SORBS2: variants seen among roughly 807,000 people sequenced by gnomAD.
The protein encoded by SORBS2 is sorbin and SH3 domain-containing protein 2.
In SORBS2, 46 loss-of-function variants were observed where a neutral mutation model predicts 97.7. The ratio of observed to expected loss-of-function variants is 0.47; its 90% CI spans 0.37 to 0.60. The LOEUF is 0.60. SORBS2 is among the 20% of genes least tolerant of loss of function. The pLI is 0.00. For missense variants in SORBS2, 1,316 were observed against 1,282.3 expected (o/e 1.03, Z -0.40); for synonymous variants, 476 against 473.4 (o/e 1.01, Z -0.07).
intron 3 of SORBS2, among the ~76,000 whole-genome samples, chr4:185,648,228 CTGGG>C (rs1311108265): frequency 6.6e-6 from 1 of 152,090 alleles, no homozygotes; most frequent in Non-Finnish European, 1.5e-5. Flanking sequence ...TCCCAAAATG[CTGGG>C]ACTGGCTGGG....
At chr4:185,728,826 T>A (rs1048643816) in intron 2 of SORBS2, among the ~76,000 whole-genome samples, 1 of 152,244 alleles carries the variant, frequency 6.6e-6, no homozygotes, top group East Asian at 1.9e-4. Flanking sequence ...CCCAGCTGCA[T>A]GTGCCATTTG....
chr4:185,641,130 T>C (rs2097118874), intron 4 of SORBS2, among the ~76,000 whole-genome samples: 1 of 133,842 alleles, frequency 7.5e-6, no homozygotes, highest in Non-Finnish European at 1.7e-5. Flanking sequence ...GTAATGCATC[T>C]CTATGATAGA....
chr4:185,726,601 C>T (rs2098555872), intron 2 of SORBS2, among the ~76,000 whole-genome samples: 1 of 151,140 alleles, frequency 6.6e-6, no homozygotes, highest in African/African-American at 2.4e-5. Flanking sequence ...TATACAGAAA[C>T]ATAAGGATAT....
At chr4:185,651,720 G>T (rs867514095) in intron 2 of SORBS2, 64 bp downstream of exon 11, 3 of 884,264 alleles carry the variant, frequency 3.4e-6, no homozygotes, top group Non-Finnish European at 1.9e-6. Context: ...AAAGGTGACC[G>T]TGTCGTTCTT....
chr4:185,939,882 C>T (rs902401886), intron 1 of SORBS2, among the ~76,000 whole-genome samples: 1 of 152,188 alleles, frequency 6.6e-6, no homozygotes, highest in African/African-American at 2.4e-5. Flanking sequence ...CCCATGCCCC[C>T]AGTGAAACCA....
Position 185,770,975 on chromosome 4 carries a change from C to CTTTTTTTTTTTTT in SORBS2, c.-198+4239_-198+4251dup, listed in dbSNP as rs747070975. 8.2e-5 allele frequency: 6 copies of CTTTTTTTTTTTTT among 72,750 alleles called. 1 individual carries two copies. The highest frequency in any genetic ancestry group is 4.1e-4 in the East Asian group (1 of 2,464). The allele number at this position is 72,750 out of a possible 1,614,324, so 4.5% of individuals were successfully genotyped here. A position where few individuals can be genotyped will look rare whatever the true frequency, so the allele number is the denominator to read the frequency against. ...CTTTCCCTGGCATTTTCATCGTTTC[C>CTTTTTTTTTTTTT]TTTTTTTTTTTTTTTTTTTTTTGAG... On this transcript the variant is annotated intron_variant, in intron 2 of 20. Coordinates refer to the SORBS2 transcript ENST00000284776.
intron 2 of SORBS2, among the ~76,000 whole-genome samples, chr4:185,756,705 G>A (rs2098832805): frequency 7.0e-6 from 1 of 143,662 alleles, no homozygotes; most frequent in Non-Finnish European, 1.5e-5. Flanking sequence ...CCAAATTACA[G>A]CCAACTGTTA....
At chr4:185,811,353 A>AG (rs1160233068) in intron 1 of SORBS2, among the ~76,000 whole-genome samples, 3 of 152,210 alleles carry the variant, frequency 2.0e-5, no homozygotes, top group African/African-American at 7.2e-5. Flanking sequence ...TTCACAAGCG[A>AG]GAAATGTTGT....
At chr4:185,615,990 C>G (rs1420099720) in intron 9 of SORBS2, among the ~76,000 whole-genome samples, 1 of 152,008 alleles carries the variant, frequency 6.6e-6, no homozygotes, top group African/African-American at 2.4e-5. Context: ...TCAATTTTTC[C>G]TGGCTTAATC....
At position 185,684,500 on chromosome 4, in the gene SORBS2, A is replaced by C. The variant is rs1421626682; in HGVS notation, c.-197-5678T>G. 6.6e-6 allele frequency among the ~76,000 whole-genome samples: 1 copy of C among 152,066 alleles called. No homozygotes were observed. ...CAAAAGTTTTTAGGTTAAAAAAAAA[A>C]ACCCCAAAACCTCTGAGTTATCTTA... On this transcript the variant is annotated intron_variant, in intron 2 of 20. Coordinates refer to the SORBS2 transcript ENST00000284776. The surrounding 1 kb of genome is among the most constrained non-coding windows in gnomAD (Gnocchi z 4.2).
chr4:185,680,712 C>T (rs2097855567), intron 2 of SORBS2, among the ~76,000 whole-genome samples: 1 of 152,004 alleles, frequency 6.6e-6, no homozygotes, highest in African/African-American at 2.4e-5. Context: ...TAATGGGACC[C>T]AGAGGCTTGG....
rs559820046 is a variant in SORBS2, at chr4:185,851,430, A to T, written c.-337-76064T>A. ...AGGAAAGGTGGATTGACTCACGGTC[A>T]TCTCTATGAGACAGGAATAAGCAAG... On this transcript the variant is annotated intron_variant, in intron 1 of 20. Coordinates refer to the SORBS2 transcript ENST00000284776. 4.8e-4 allele frequency among the ~76,000 whole-genome samples: 73 copies of T among 152,312 alleles called. 1 individual carries two copies. The highest frequency in any genetic ancestry group is 1.6e-3 in the African/African-American group (67 of 41,576).
At chr4:185,879,151 C>T (rs1461668691) in intron 1 of SORBS2, among the ~76,000 whole-genome samples, 2 of 132,430 alleles carry the variant, frequency 1.5e-5, no homozygotes, top group African/African-American at 3.1e-5. Flanking sequence ...AGGTATATCT[C>T]CTAATGCTAT....
chr4:185,593,278 T>G (rs769863521), intron 13 of SORBS2: 1 of 152,332 alleles, frequency 6.6e-6, no homozygotes, highest in Non-Finnish European at 1.5e-5. Context: ...ACAGAGAGAA[T>G]CTTCAAGACA....
chr4:185,881,590 T>C (rs1239202261), intron 1 of SORBS2, among the ~76,000 whole-genome samples: 4 of 152,208 alleles, frequency 2.6e-5, no homozygotes, highest in African/African-American at 7.2e-5. Context: ...GCACGAATTA[T>C]TTTTGAGAAA....
intron 2 of SORBS2, among the ~76,000 whole-genome samples, chr4:185,728,349 A>C (rs561116283): frequency 6.6e-5 from 10 of 152,288 alleles, no homozygotes; most frequent in African/African-American, 2.2e-4. Flanking sequence ...GGCTTGCCCC[A>C]AAAACCCCTG....
chr4:185,778,997 T>A (rs1324648639), intron 1 of SORBS2, among the ~76,000 whole-genome samples: 1 of 152,202 alleles, frequency 6.6e-6, no homozygotes, highest in Non-Finnish European at 1.5e-5. Flanking sequence ...CTTCTCACAT[T>A]TTCAGGCGGC....
intron 1 of SORBS2, among the ~76,000 whole-genome samples, chr4:185,829,416 T>G (rs1017890654): frequency 3.3e-5 from 5 of 152,198 alleles, no homozygotes; most frequent in Non-Finnish European, 7.3e-5. Flanking sequence ...ATACTAATCT[T>G]TTTTCAGGAT....
At chr4:185,875,342 A>G (rs2099232934) in intron 1 of SORBS2, among the ~76,000 whole-genome samples, 1 of 152,234 alleles carries the variant, frequency 6.6e-6, no homozygotes, top group Non-Finnish European at 1.5e-5. Flanking sequence ...ATTTCAAAAC[A>G]TCATGTTAGT....
Sources: gnomAD v4.1 joint callset for allele counts (sites outside exome capture counted in the v4.1 genomes callset) on GRCh38, gnomAD v4.1.1 for gene constraint, Gnocchi (gnomAD v3.1) non-coding constraint, MANE v1.5 for transcripts, NCBI Gene and HGNC (gene_info 2026-07-23, HGNC 2026-07-21) for gene names.